Variants in MALRD1 observed in about 807,000 individuals in gnomAD.
The protein encoded by MALRD1 is MAM and LDL-receptor class A domain-containing protein 1.
A neutral mutation model predicts 242.1 loss-of-function variants in MALRD1; 247 were observed. That is an observed-to-expected ratio of 1.02 (90% confidence interval 0.92 to 1.13). The LOEUF (loss-of-function observed/expected upper bound fraction) is 1.13, where lower values mean the gene tolerates loss of function less well. Ranked by LOEUF, MALRD1 falls within the 50% of genes most tolerant of loss-of-function variation. The pLI, the probability that MALRD1 is intolerant of heterozygous loss-of-function variation, is 0.00. For synonymous variants in MALRD1, 995 were observed against 866.6 expected (o/e 1.15, Z -2.60); for missense variants, 2,989 against 2,533.1 (o/e 1.18, Z -3.86).
chr10:19,108,384 T>TTTC lies in MALRD1; in HGVS notation c.694+4312_694+4314dup, dbSNP rs1836548289. Among the ~76,000 whole-genome samples the TTTC allele has an allele frequency of 4.1e-5, 2 of 49,048 alleles. 1 individual carries two copies. Among genetic ancestry groups the TTTC allele is most frequent in the South Asian group, 1.5e-3 (2 of 1,308 alleles). 32.2% of individuals were successfully genotyped at this position (49,048 alleles called of 152,430 possible). A position where few individuals can be genotyped will look rare whatever the true frequency, so the allele number is the denominator to read the frequency against. On this transcript the variant is annotated intron_variant, in intron 5 of 39. Coordinates refer to ENST00000454679, the MANE Select transcript of MALRD1 (RefSeq NM_001142308.3). ...TAATTATTGAGCTCATGAATTGTTTTTTCTTTTTTTTTTTTTTTTTTTTTT... is the reference window on the plus strand; with the variant it reads ...TAATTATTGAGCTCATGAATTGTTTTTTCTTCTTTTTTTTTTTTTTTTTTTTTT...
At chr10:19,718,098 AGAG>A (rs1263439441) in intron 38 of MALRD1, among the ~76,000 whole-genome samples, 5 of 97,536 alleles carry the variant, frequency 5.1e-5, no homozygotes, top group African/African-American at 2.5e-4. Flanking sequence ...AAGAAGAAGA[AGAG>A]GAAGAGGAAG....
chr10:19,665,955 G>A (rs1280140917), intron 36 of MALRD1, among the ~76,000 whole-genome samples: 2 of 151,556 alleles, frequency 1.3e-5, no homozygotes, highest in Non-Finnish European at 2.9e-5. Flanking sequence ...CTTTCGCTGT[G>A]GCCCTCTCAG....
intron 18 of MALRD1, among the ~76,000 whole-genome samples, chr10:19,221,987 C>G (rs1837573993): frequency 1.3e-5 from 2 of 152,076 alleles, no homozygotes; most frequent in Admixed American, 1.3e-4. Context: ...AAGAAAAATA[C>G]CGAGTGTGAA....
intron 5 of MALRD1, among the ~76,000 whole-genome samples, chr10:19,108,166 A>G (rs1219086092): frequency 2.0e-5 from 3 of 151,976 alleles, no homozygotes; most frequent in Admixed American, 1.3e-4. Flanking sequence ...TAGGTCACAT[A>G]GGCTTTGCTT....
chr10:19,097,066 A>G (rs1051732448), intron 4 of MALRD1, among the ~76,000 whole-genome samples: 1 of 152,224 alleles, frequency 6.6e-6, no homozygotes, highest in African/African-American at 2.4e-5. Flanking sequence ...AATAACAACT[A>G]AAATTTCTTT....
chr10:19,334,127 T>TG (rs2130931071), intron 24 of MALRD1, among the ~76,000 whole-genome samples: 1 of 147,140 alleles, frequency 6.8e-6, no homozygotes, highest in African/African-American at 2.5e-5. Context: ...AGGTTTTTTT[T>TG]TTTTTTTTTT....
chr10:19,245,557 A>G (rs7910311), intron 18 of MALRD1, among the ~76,000 whole-genome samples: 63,148 of 152,038 alleles, frequency 0.42, 13,540 homozygotes, highest in Admixed American at 0.55. Flanking sequence ...ATTTGCATGT[A>G]TGTGAAAAAT....
chr10:19,243,669 A>G (rs902306625), intron 18 of MALRD1, among the ~76,000 whole-genome samples: 10 of 152,146 alleles, frequency 6.6e-5, no homozygotes, highest in African/African-American at 2.2e-4. Flanking sequence ...CAATTAGACA[A>G]CCAACACTCT....
At chr10:19,198,506 C>G (rs940775140) in intron 14 of MALRD1, among the ~76,000 whole-genome samples, 1 of 152,182 alleles carries the variant, frequency 6.6e-6, no homozygotes, top group Non-Finnish European at 1.5e-5. Flanking sequence ...AGGATAATAA[C>G]TTGCCTTCTG....
intron 29 of MALRD1, among the ~76,000 whole-genome samples, chr10:19,476,996 T>C (rs955115943): frequency 1.3e-5 from 2 of 152,150 alleles, no homozygotes; most frequent in Non-Finnish European, 2.9e-5. Flanking sequence ...CAACATCTCA[T>C]TTTTTAGGAT....
At chr10:19,469,664 T>C (rs12358346) in intron 29 of MALRD1, among the ~76,000 whole-genome samples, 7,605 of 152,204 alleles carry the variant, frequency 0.05, 249 homozygotes, top group Middle Eastern at 0.082. Flanking sequence ...TTTGCTAAGA[T>C]TGGAGTTTTG....
intron 5 of MALRD1, among the ~76,000 whole-genome samples, chr10:19,112,889 T>TA (rs1481522672): frequency 6.6e-6 from 1 of 152,228 alleles, no homozygotes; most frequent in Non-Finnish European, 1.5e-5. Flanking sequence ...TTCCCTGTTT[T>TA]AGTCATTGGC....
At chr10:19,512,854 T>G (rs182221783) in intron 31 of MALRD1, among the ~76,000 whole-genome samples, 17 of 152,338 alleles carry the variant, frequency 1.1e-4, no homozygotes, top group African/African-American at 2.9e-4. Context: ...ATTTTGAAAT[T>G]TCCATAATGA....
At chr10:19,148,205 GC>G (rs1268252262) in intron 11 of MALRD1, among the ~76,000 whole-genome samples, 1 of 152,100 alleles carries the variant, frequency 6.6e-6, no homozygotes, top group Non-Finnish European at 1.5e-5. Flanking sequence ...CTAAGCCAAG[GC>G]AGTGATTCTC....
chr10:19,525,059 C>A (rs1379052899), intron 31 of MALRD1, among the ~76,000 whole-genome samples: 1 of 150,994 alleles, frequency 6.6e-6, no homozygotes, highest in Non-Finnish European at 1.5e-5. Flanking sequence ...CATGTACCAC[C>A]ATGCCCAGCT....
At chr10:19,611,775 G>T (rs548722212) in intron 35 of MALRD1, among the ~76,000 whole-genome samples, 51 of 151,972 alleles carry the variant, frequency 3.4e-4, no homozygotes, top group Admixed American at 1.1e-3. Context: ...ACTTTGTGCC[G>T]TGTCTTTCTG....
At chr10:19,523,256 G>T (rs527773466) in intron 31 of MALRD1, among the ~76,000 whole-genome samples, 1 of 152,136 alleles carries the variant, frequency 6.6e-6, no homozygotes, top group South Asian at 2.1e-4. Context: ...CTTAACCAGT[G>T]GACAATCCTG....
At position 19,124,662 on chromosome 10, in the gene MALRD1, A is replaced by C. The variant is rs1247890772; in HGVS notation, c.935A>C (p.Asp312Ala). 1.6e-6 allele frequency: 2 copies of C among 1,233,586 alleles called. No homozygotes were observed. The highest frequency in any genetic ancestry group is 4.2e-5 in the Admixed American group (1 of 23,678). The allele number at this position is 1,233,586 out of a possible 1,614,324, so 76.4% of individuals were successfully genotyped here. Reference protein sequence around the residue: ...ESTPQQDQGGDDEGYYVWVGA... With the variant: ...ESTPQQDQGGADEGYYVWVGA... ...ACACCTCAGCAGGATCAAGGAGGTG[A>C]TGATGAAGGTAGAAAAAAAAATAAT... Residue 312 changes from aspartate to alanine, a missense_variant, in exon 7 of 40, where the codon GAT becomes GCT. Transcript: ENST00000454679.
Position 19,459,412 on chromosome 10 carries a change from T to G in MALRD1, c.5029+8922T>G, listed in dbSNP as rs143853151. ...TCTAACTTTCTTTTATTGCTTGAATTGATTTGAGACAGGCTTCAGAAGAGA... is the reference window on the plus strand; with the variant it reads ...TCTAACTTTCTTTTATTGCTTGAATGGATTTGAGACAGGCTTCAGAAGAGA... On this transcript the variant is annotated intron_variant, in intron 29 of 39. Coordinates refer to ENST00000454679, the MANE Select transcript of MALRD1 (RefSeq NM_001142308.3). Among the ~76,000 whole-genome samples, 391 of 152,264 alleles carry G rather than the reference T, an allele frequency of 2.6e-3. 8 individuals are homozygous for G. In the East Asian group the frequency reaches 0.053, roughly 21 times the overall value.
Sources: gnomAD v4.1 joint callset for allele counts (sites outside exome capture counted in the v4.1 genomes callset) on GRCh38, gnomAD v4.1.1 for gene constraint, MANE v1.5 for transcripts, NCBI Gene and HGNC (gene_info 2026-07-23, HGNC 2026-07-21) for gene names.